The following PPP1R12A variants were observed in gnomAD, a reference collection of about 807,000 sequenced individuals.
PPP1R12A encodes the protein protein phosphatase 1 regulatory subunit 12A.
PPP1R12A carries 19 observed loss-of-function variants against 139.6 expected under a neutral mutation model. That is an observed-to-expected ratio of 0.14 (90% confidence interval 0.09 to 0.20). PPP1R12A has a LOEUF of 0.20. Ranked by LOEUF, PPP1R12A falls within the 10% of genes least tolerant of loss-of-function variation. The pLI is 1.00. For missense variants in PPP1R12A, 925 were observed against 1,211.5 expected (o/e 0.76, Z 3.51); for synonymous variants, 427 against 420.6 (o/e 1.02, Z -0.19).
intron 2 of PPP1R12A, among the ~76,000 whole-genome samples, chr12:79,864,347 C>T (rs1881720503): frequency 6.6e-6 from 1 of 152,034 alleles, no homozygotes; most frequent in Non-Finnish European, 1.5e-5. Flanking sequence ...GCAGTGTATA[C>T]AGGGAAATTT....
chr12:79,813,598 A>C (rs775897722), intron 9 of PPP1R12A, among the ~76,000 whole-genome samples: 12 of 152,206 alleles, frequency 7.9e-5, no homozygotes, highest in Non-Finnish European at 1.5e-4. Context: ...AAGAATAGAT[A>C]ATCTGCTTTA....
chr12:79,881,050 G>A (rs1384352936), intron 1 of PPP1R12A, among the ~76,000 whole-genome samples: 2 of 152,028 alleles, frequency 1.3e-5, no homozygotes, highest in African/African-American at 4.8e-5. Flanking sequence ...TTATATATAT[G>A]CTCTGACCAC....
intron 1 of PPP1R12A, among the ~76,000 whole-genome samples, chr12:79,904,797 A>G (rs1885954825): frequency 6.6e-6 from 1 of 152,198 alleles, no homozygotes; most frequent in African/African-American, 2.4e-5. Flanking sequence ...GTGCTTACAA[A>G]GGCCAAAAGG....
At chr12:79,872,671 T>G in intron 2 of PPP1R12A, 137 bp downstream of exon 2, 1 of 998,434 alleles carries the variant, frequency 1.0e-6, no homozygotes, top group Non-Finnish European at 1.4e-6. Context: ...AATAACCACT[T>G]ATTTTCTTTC....
At position 79,815,882 on chromosome 12, in the gene PPP1R12A, A is replaced by T. The variant is rs959571457; in HGVS notation, c.1239+1512T>A. Among the ~76,000 whole-genome samples the T allele has an allele frequency of 2.0e-5, 3 of 152,322 alleles. No individual in the cohort carries two copies. The East Asian group carries it at 5.8e-4, about 29-fold the overall frequency. On this transcript the variant is annotated intron_variant, in intron 9 of 24. Transcript: ENST00000450142. ...GTCATTCATAGTTTCTCAATATTCA[A>T]ACTATGTACCAATGAAACCAACACG...
intron 19 of PPP1R12A, among the ~76,000 whole-genome samples, chr12:79,793,057 T>A (rs1419297958): frequency 1.3e-5 from 2 of 152,182 alleles, no homozygotes; most frequent in Non-Finnish European, 2.9e-5. Context: ...ATGTAATAGC[T>A]CTATTAAGGA....
At chr12:79,925,691 G>C (rs1283712796) in intron 1 of PPP1R12A, among the ~76,000 whole-genome samples, 1 of 152,172 alleles carries the variant, frequency 6.6e-6, no homozygotes, top group Non-Finnish European at 1.5e-5. Flanking sequence ...GAGCATTTGA[G>C]TTGAGCAGCA....
chr12:79,886,637 A>G (rs927308131), intron 1 of PPP1R12A, among the ~76,000 whole-genome samples: 1 of 152,178 alleles, frequency 6.6e-6, no homozygotes, highest in Admixed American at 6.5e-5. Flanking sequence ...ATCACAATAT[A>G]TATTTGTTGA....
chr12:79,891,458 A>T (rs753349551), intron 1 of PPP1R12A, among the ~76,000 whole-genome samples: 21 of 152,188 alleles, frequency 1.4e-4, no homozygotes, highest in South Asian at 6.2e-4. Flanking sequence ...AGAAAGGGAG[A>T]TAACAAGCAG....
In PPP1R12A at chr12:79,812,391, CGT is replaced by C. The variant is rs1156924649; in HGVS notation, c.1240-2383_1240-2382del. 6.5e-3 allele frequency among the ~76,000 whole-genome samples: 881 copies of C among 134,600 alleles called. 9 individuals carry two copies. The highest frequency in any genetic ancestry group is 0.02 in the African/African-American group (706 of 35,194). The allele number at this position is 134,600 out of a possible 152,430, so 88.3% of individuals were successfully genotyped here. A position where few individuals can be genotyped will look rare whatever the true frequency, so the allele number is the denominator to read the frequency against. ...CTTTTCTTGACTGACTCTGTGTGTGCGTGTGTGTGTGTGTGTGTGTGTGTGTG... is the reference window on the plus strand; with the variant it reads ...CTTTTCTTGACTGACTCTGTGTGTGCGTGTGTGTGTGTGTGTGTGTGTGTG... On this transcript the variant is annotated intron_variant, in intron 9 of 24. Transcript: ENST00000450142.
chr12:79,928,436 G>C (rs930455519), intron 1 of PPP1R12A, among the ~76,000 whole-genome samples: 1 of 152,176 alleles, frequency 6.6e-6, no homozygotes, highest in African/African-American at 2.4e-5. Flanking sequence ...TTTGGGGTTG[G>C]GAGGGTTTTA....
intron 1 of PPP1R12A, among the ~76,000 whole-genome samples, chr12:79,924,039 G>A (rs113194690): frequency 4.5e-3 from 678 of 152,020 alleles, no homozygotes; most frequent in Non-Finnish European, 7.0e-3. Context: ...GCAAGACTCC[G>A]TCTCAAAAAA....
chr12:79,871,447 T>C (rs1882556422), intron 2 of PPP1R12A, among the ~76,000 whole-genome samples: 1 of 151,802 alleles, frequency 6.6e-6, no homozygotes, highest in African/African-American at 2.4e-5. Context: ...CAAAAGGTAA[T>C]GGTCAAAAGT....
intron 1 of PPP1R12A, among the ~76,000 whole-genome samples, chr12:79,911,727 C>A (rs1460573596): frequency 6.6e-6 from 1 of 151,654 alleles, no homozygotes; most frequent in Non-Finnish European, 1.5e-5. Context: ...TGTAAAGCAC[C>A]AGCTTTCGAC....
At chr12:79,830,847 A>G (rs140395131) in intron 4 of PPP1R12A, among the ~76,000 whole-genome samples, 136 of 152,304 alleles carry the variant, frequency 8.9e-4, no homozygotes, top group African/African-American at 3.1e-3. Flanking sequence ...TTCAATAGAT[A>G]TATGTAACTG....
chr12:79,906,900 C>T lies in PPP1R12A; in HGVS notation c.237+27795G>A, dbSNP rs545729269. Among the ~76,000 whole-genome samples the T allele has an allele frequency of 1.3e-5, 2 of 152,236 alleles. 1 individual carries two copies. The highest frequency in any genetic ancestry group is 4.8e-5 in the African/African-American group (2 of 41,558). ...ACCTCAAGTGATTTGCCCGCCTCGG[C>T]CTCCCGAGGCAGGCAAATTACAGTG... is the stretch of plus-strand genomic sequence containing the variant. On this transcript the variant is annotated intron_variant, in intron 1 of 24. Coordinates refer to ENST00000450142, the MANE Select transcript of PPP1R12A (RefSeq NM_002480.3).
intron 1 of PPP1R12A, among the ~76,000 whole-genome samples, chr12:79,927,667 A>C (rs1383698131): frequency 6.6e-6 from 1 of 152,236 alleles, no homozygotes; most frequent in African/African-American, 2.4e-5. Flanking sequence ...GACCTGCATA[A>C]GAATTCCAGC....
chr12:79,844,975 C>T (rs1046400875), intron 3 of PPP1R12A, among the ~76,000 whole-genome samples: 1 of 152,182 alleles, frequency 6.6e-6, no homozygotes, highest in African/African-American at 2.4e-5. Context: ...GCCTTCTTGA[C>T]CACACTATTT....
chr12:79,852,627 C>T lies in PPP1R12A; in HGVS notation c.369-7207G>A, dbSNP rs374120188. Among the ~76,000 whole-genome samples the T allele has an allele frequency of 1.8e-4, 27 of 152,242 alleles. No individual in the cohort carries two copies. The East Asian group carries it at 1.9e-3, about 11-fold the overall frequency. ...AAGATAGTGAGGTGCCATTTCATTT[C>T]GGCAAGTTGGGGGTAGATGTTCAGG... On this transcript the variant is annotated intron_variant, in intron 2 of 24. Coordinates refer to ENST00000450142, the MANE Select transcript of PPP1R12A (RefSeq NM_002480.3).
Sources: allele counts gnomAD v4.1 joint callset (sites outside exome capture counted in the v4.1 genomes callset), GRCh38; gene constraint gnomAD v4.1.1; transcripts MANE v1.5; gene names NCBI Gene and HGNC (gene_info 2026-07-23, HGNC 2026-07-21).